RPS6KC1: variants seen among roughly 807,000 people sequenced by gnomAD.
RPS6KC1 encodes the protein inactive ribosomal protein S6 kinase delta-1.
RPS6KC1 carries 54 observed loss-of-function variants against 103.8 expected under a neutral mutation model. The observed-to-expected ratio is 0.52, with a 90% confidence interval of 0.42 to 0.65. The LOEUF (loss-of-function observed/expected upper bound fraction) is 0.65, where lower values mean the gene tolerates loss of function less well. Ranked by LOEUF, RPS6KC1 falls within the 30% of genes least tolerant of loss-of-function variation. The pLI is 0.00. For synonymous variants in RPS6KC1, 439 were observed against 438.7 expected (o/e 1.00, Z -0.01); for missense variants, 1,151 against 1,253.8 (o/e 0.92, Z 1.24).
the RPS6KC1 span, among the ~76,000 whole-genome samples, chr1:213,587,580 A>G: frequency 1.3e-5 from 2 of 152,260 alleles, no homozygotes; most frequent in African/African-American, 4.8e-5. Context: ...TGTTTGATAC[A>G]TAAAAAATGA....
intron 8 of RPS6KC1, among the ~76,000 whole-genome samples, chr1:213,202,147 T>G (rs1253454197): frequency 6.6e-6 from 1 of 152,188 alleles, no homozygotes; most frequent in Non-Finnish European, 1.5e-5. Context: ...TCAGGTCTCT[T>G]TCCAAAACTA....
the RPS6KC1 span, among the ~76,000 whole-genome samples, chr1:213,390,582 G>A: frequency 6.6e-6 from 1 of 152,152 alleles, no homozygotes; most frequent in Non-Finnish European, 1.5e-5. Context: ...TGCTTGTAAC[G>A]GCTGGAGGAT....
At chr1:213,554,931 C>T in the RPS6KC1 span, among the ~76,000 whole-genome samples, 1 of 152,246 alleles carries the variant, frequency 6.6e-6, no homozygotes, top group South Asian at 2.1e-4. Context: ...CTTAGGCATA[C>T]CCCTCCGTCA....
At chr1:213,643,063 T>G in the RPS6KC1 span, among the ~76,000 whole-genome samples, 1 of 151,930 alleles carries the variant, frequency 6.6e-6, no homozygotes, top group African/African-American at 2.4e-5. Flanking sequence ...ATTATTTTAA[T>G]AAATACGGTT....
the RPS6KC1 span, among the ~76,000 whole-genome samples, chr1:213,550,181 T>C: frequency 1.3e-5 from 2 of 152,162 alleles, no homozygotes; most frequent in Non-Finnish European, 2.9e-5. Flanking sequence ...CAAGAAGCAA[T>C]GGGAGGCACA....
intron 1 of RPS6KC1, among the ~76,000 whole-genome samples, chr1:213,053,981 G>T (rs376220171): frequency 6.6e-6 from 1 of 151,912 alleles, no homozygotes; most frequent in South Asian, 2.1e-4. Context: ...GATTACAGGC[G>T]CCCTCCACCA....
At chr1:213,149,918 A>T (rs772406537) in intron 6 of RPS6KC1, among the ~76,000 whole-genome samples, 44 of 152,168 alleles carry the variant, frequency 2.9e-4, no homozygotes, top group Non-Finnish European at 4.7e-4. Flanking sequence ...GTCTCTTCTT[A>T]TAGTTTCTGT....
chr1:213,355,048 C>T, the RPS6KC1 span, among the ~76,000 whole-genome samples: 43 of 152,120 alleles, frequency 2.8e-4, no homozygotes, highest in South Asian at 5.6e-3. Context: ...TGAAACCCTG[C>T]CTCTACTAAA....
the RPS6KC1 span, among the ~76,000 whole-genome samples, chr1:213,816,281 T>G: frequency 3.9e-5 from 6 of 152,338 alleles, no homozygotes; most frequent in African/African-American, 1.4e-4. Flanking sequence ...ATCAATAGAT[T>G]TGCTGTATGC....
At chr1:213,732,084 A>G in the RPS6KC1 span, among the ~76,000 whole-genome samples, 1 of 151,852 alleles carries the variant, frequency 6.6e-6, no homozygotes, top group Admixed American at 6.6e-5. Flanking sequence ...TATATCTTCC[A>G]TTTTTTCTAT....
the RPS6KC1 span, among the ~76,000 whole-genome samples, chr1:213,525,966 G>T: frequency 6.6e-6 from 1 of 152,154 alleles, no homozygotes. Context: ...GGGAAGAAAG[G>T]GTGGGGCTAT....
At chr1:213,104,363 C>T (rs1457260708) in intron 3 of RPS6KC1, 91 bp from the exon 4 acceptor site, 1 of 758,412 alleles carries the variant, frequency 1.3e-6, no homozygotes, top group African/African-American at 1.8e-5. Context: ...AGTGATAGGC[C>T]TGCTGCTGCT....
the RPS6KC1 span, among the ~76,000 whole-genome samples, chr1:213,413,404 C>G: frequency 6.6e-6 from 1 of 152,212 alleles, no homozygotes; most frequent in African/African-American, 2.4e-5. Flanking sequence ...CACATTATCT[C>G]ACACAATTTC....
chr1:213,076,360 G>A (rs1247403569), intron 2 of RPS6KC1, among the ~76,000 whole-genome samples: 1 of 152,144 alleles, frequency 6.6e-6, no homozygotes, highest in African/African-American at 2.4e-5. Flanking sequence ...ACAGAGGGTA[G>A]GTTTTTTGGC....
At chr1:213,414,099 A>G in the RPS6KC1 span, among the ~76,000 whole-genome samples, 379 of 152,260 alleles carry the variant, frequency 2.5e-3, 2 homozygotes, top group African/African-American at 8.2e-3. Context: ...TGATTTTGAC[A>G]GGCCTGGAGG....
At chr1:213,151,901 A>G (rs1478705065) in intron 6 of RPS6KC1, among the ~76,000 whole-genome samples, 7 of 75,836 alleles carry the variant, frequency 9.2e-5, no homozygotes, top group East Asian at 9.3e-4. Flanking sequence ...CCTCCCTCCA[A>G]GACGGGGCGG....
the RPS6KC1 span, among the ~76,000 whole-genome samples, chr1:213,849,879 G>C: frequency 6.6e-5 from 10 of 151,824 alleles, no homozygotes; most frequent in Non-Finnish European, 1.2e-4. Context: ...CTGGTGGACA[G>C]GATTTTTTTT....
the RPS6KC1 span, among the ~76,000 whole-genome samples, chr1:213,290,144 CAAAAAAAAAA>C: frequency 7.1e-5 from 5 of 70,096 alleles, no homozygotes; most frequent in South Asian, 6.8e-4. Context: ...GACTCCGTCT[CAAAAAAAAAA>C]AAAAAAAAAA....
chr1:213,392,546 C>T, the RPS6KC1 span, among the ~76,000 whole-genome samples: 1 of 152,228 alleles, frequency 6.6e-6, no homozygotes, highest in African/African-American at 2.4e-5. Context: ...TATCTTGTCA[C>T]ACATGGAATT....
Sources: allele counts gnomAD v4.1 joint callset (sites outside exome capture counted in the v4.1 genomes callset), GRCh38; gene constraint gnomAD v4.1.1; transcripts MANE v1.5; gene names NCBI Gene and HGNC (gene_info 2026-07-23, HGNC 2026-07-21).